SV2C: variants seen among roughly 807,000 people sequenced by gnomAD.
SV2C encodes the protein solute carrier family 22 member B3.
Under a neutral mutation model 79.7 loss-of-function variants are expected in SV2C, and 49 were observed. That is an observed-to-expected ratio of 0.61 (90% CI 0.49 to 0.78). SV2C has a LOEUF of 0.78. Ranked by LOEUF, SV2C falls within the 30% of genes least tolerant of loss-of-function variation. SV2C has a pLI of 0.00. For synonymous variants in SV2C, 334 were observed against 333.2 expected (o/e 1.00, Z -0.03); for missense variants, 833 against 912.9 (o/e 0.91, Z 1.13).
the SV2C span, among the ~76,000 whole-genome samples, chr5:75,992,309 T>C: frequency 1.3e-5 from 2 of 152,006 alleles, no homozygotes; most frequent in Non-Finnish European, 2.9e-5. Context: ...CATAAAACCA[T>C]ATAAAATATG....
the SV2C span, among the ~76,000 whole-genome samples, chr5:75,864,663 G>T: frequency 6.6e-6 from 1 of 152,176 alleles, no homozygotes; most frequent in Non-Finnish European, 1.5e-5. Context: ...ACTTCTCCAT[G>T]CATGGAGATA....
chr5:75,967,798 C>G, the SV2C span, among the ~76,000 whole-genome samples: 1 of 152,220 alleles, frequency 6.6e-6, no homozygotes, highest in African/African-American at 2.4e-5. Context: ...TTAAATGTCC[C>G]TGTCTGACAG....
the SV2C span, among the ~76,000 whole-genome samples, chr5:76,074,345 C>T: frequency 1.6e-4 from 24 of 152,284 alleles, no homozygotes; most frequent in African/African-American, 5.8e-4. Context: ...GGGACTGAGA[C>T]ATGAGGAACA....
At chr5:76,264,854 T>A (rs1480198437) in intron 4 of SV2C, among the ~76,000 whole-genome samples, 1 of 152,204 alleles carries the variant, frequency 6.6e-6, no homozygotes, top group Non-Finnish European at 1.5e-5. Context: ...GGAGTTCTCC[T>A]GTATGAGGTG....
chr5:76,302,279 T>C (rs552620494), intron 12 of SV2C, among the ~76,000 whole-genome samples: 1 of 152,210 alleles, frequency 6.6e-6, no homozygotes, highest in Non-Finnish European at 1.5e-5. Context: ...CTAGAACATA[T>C]CTCTTGACCT....
the SV2C span, among the ~76,000 whole-genome samples, chr5:75,964,385 T>C: frequency 6.6e-6 from 1 of 152,176 alleles, no homozygotes; most frequent in Non-Finnish European, 1.5e-5. Context: ...GTATTTCTTT[T>C]ACTTTATTTG....
chr5:76,215,763 C>G (rs1054169800), intron 4 of SV2C, among the ~76,000 whole-genome samples: 2 of 152,168 alleles, frequency 1.3e-5, no homozygotes, highest in African/African-American at 2.4e-5. Context: ...AGGACCTCAG[C>G]CTTCTCATAT....
chr5:75,991,349 C>T, the SV2C span, among the ~76,000 whole-genome samples: 1 of 151,260 alleles, frequency 6.6e-6, no homozygotes, highest in East Asian at 1.9e-4. Flanking sequence ...TTATATCAAT[C>T]CTCTATCAGT....
chr5:76,136,471 CT>C (rs955840173), intron 2 of SV2C, among the ~76,000 whole-genome samples: 2 of 151,074 alleles, frequency 1.3e-5, no homozygotes, highest in Non-Finnish European at 3.0e-5. Context: ...CATTCAGGAA[CT>C]TTTTTTTTGT....
At chr5:76,015,308 AC>A in the SV2C span, among the ~76,000 whole-genome samples, 1 of 117,102 alleles carries the variant, frequency 8.5e-6, no homozygotes, top group Non-Finnish European at 2.2e-5. Context: ...TGTAGCATGA[AC>A]AAAAAATAAA....
chr5:76,224,058 G>T (rs1468814137), intron 4 of SV2C, among the ~76,000 whole-genome samples: 1 of 152,124 alleles, frequency 6.6e-6, no homozygotes, highest in Admixed American at 6.5e-5. Context: ...CATATTGGGG[G>T]TTAGAGCTTC....
At chr5:75,926,741 G>A in the SV2C span, among the ~76,000 whole-genome samples, 89 of 152,296 alleles carry the variant, frequency 5.8e-4, no homozygotes, top group East Asian at 0.013. Flanking sequence ...CTGCATGTAT[G>A]CACAGCCACA....
At chr5:76,025,955 A>C in the SV2C span, among the ~76,000 whole-genome samples, 1 of 152,170 alleles carries the variant, frequency 6.6e-6, no homozygotes, top group Non-Finnish European at 1.5e-5. Context: ...AGTGATTTTC[A>C]ACCAGGATGG....
the SV2C span, among the ~76,000 whole-genome samples, chr5:76,073,061 A>T: frequency 6.6e-6 from 1 of 152,116 alleles, no homozygotes; most frequent in Non-Finnish European, 1.5e-5. Context: ...AATTCTGCTG[A>T]TTATTTCTTT....
intron 4 of SV2C, among the ~76,000 whole-genome samples, chr5:76,230,953 T>G (rs34807012): frequency 0.12 from 17,938 of 152,210 alleles, 3,074 homozygotes; most frequent in African/African-American, 0.38. Flanking sequence ...CTAGAAAATG[T>G]TTATTTAATT....
intron 1 of SV2C, among the ~76,000 whole-genome samples, chr5:76,085,826 TACACACACAC>T (rs34074817): frequency 9.7e-4 from 137 of 141,966 alleles, no homozygotes; most frequent in African/African-American, 3.5e-3. Flanking sequence ...ACAAAGCCCC[TACACACACAC>T]ACACACACAC....
intron 2 of SV2C, among the ~76,000 whole-genome samples, chr5:76,189,337 G>C (rs1744025893): frequency 6.6e-6 from 1 of 151,966 alleles, no homozygotes; most frequent in African/African-American, 2.4e-5. Flanking sequence ...GTCTTCCCTT[G>C]GCTTCCTAGA....
the SV2C span, among the ~76,000 whole-genome samples, chr5:75,968,426 GA>G: frequency 2.0e-5 from 3 of 151,824 alleles, no homozygotes; most frequent in Admixed American, 2.0e-4. Context: ...TAAAAACTTT[GA>G]AAAAAAATTA....
chr5:75,863,237 C>G, the SV2C span, among the ~76,000 whole-genome samples: 1 of 152,170 alleles, frequency 6.6e-6, no homozygotes, highest in African/African-American at 2.4e-5. Context: ...ACGCTGTACC[C>G]TGCTGAGGTG....
Sources: gnomAD v4.1 joint callset for allele counts (sites outside exome capture counted in the v4.1 genomes callset) on GRCh38, gnomAD v4.1.1 for gene constraint, MANE v1.5 for transcripts, NCBI Gene and HGNC (gene_info 2026-07-23, HGNC 2026-07-21) for gene names.